NAALADL2: variants seen among roughly 807,000 people sequenced by gnomAD.
NAALADL2 encodes N-acetylated alpha-linked acidic dipeptidase like 2.
In NAALADL2, 76 loss-of-function variants were observed where a neutral mutation model predicts 87.2. That is an observed-to-expected ratio of 0.87 (90% CI 0.72 to 1.05). NAALADL2 has a LOEUF of 1.05. Ranked by LOEUF, NAALADL2 falls within the 50% of genes least tolerant of loss-of-function variation. The probability of loss-of-function intolerance (pLI) is 0.00; values close to 1 mark genes in which losing one functional copy is unlikely to be tolerated. For missense variants in NAALADL2, 1,089 were observed against 945.8 expected (o/e 1.15, Z -1.99); for synonymous variants, 354 against 331.0 (o/e 1.07, Z -0.75).
intron 1 of NAALADL2, among the ~76,000 whole-genome samples, chr3:174,890,953 T>C (rs564549469): frequency 1.6e-4 from 24 of 152,180 alleles, no homozygotes; most frequent in African/African-American, 5.5e-4. Flanking sequence ...AATATATGAA[T>C]AAGAAAATTA....
rs528312077 is a variant in NAALADL2 at position 175,305,245 on chromosome 3, T to C, written c.940-18930T>C. ...CTTACATGGTGTGTGTGTGTGTGTT[T>C]GTGTATGTGTGTGTGTGTGTGTGTG... On this transcript the variant is annotated intron_variant, in intron 4 of 13. Transcript: ENST00000454872. Among the ~76,000 whole-genome samples, 37 of 125,096 alleles carry C rather than the reference T, an allele frequency of 3.0e-4. No individual in the cohort carries two copies. In the South Asian group the frequency reaches 6.3e-3, roughly 21 times the overall value. The allele number at this position is 125,096 out of a possible 152,430, so 82.1% of individuals were successfully genotyped here.
chr3:174,826,743 GT>G (rs1448137181), intron 3 of NAALADL2, among the ~76,000 whole-genome samples: 3 of 152,028 alleles, frequency 2.0e-5, no homozygotes, highest in African/African-American at 7.2e-5. Flanking sequence ...GTTTATTTTT[GT>G]TTAGAAAAGA....
intron 4 of NAALADL2, among the ~76,000 whole-genome samples, chr3:175,312,260 A>G (rs1466127249): frequency 6.6e-6 from 1 of 152,140 alleles, no homozygotes; most frequent in Non-Finnish European, 1.5e-5. Context: ...CAGTATTTTT[A>G]TTTTTCACAT....
intron 2 of NAALADL2, among the ~76,000 whole-genome samples, chr3:174,589,177 A>G (rs940920921): frequency 6.6e-6 from 1 of 152,196 alleles, no homozygotes; most frequent in African/African-American, 2.4e-5. Context: ...CCTCTGAGCC[A>G]GGTGCGGGAT....
intron 4 of NAALADL2, among the ~76,000 whole-genome samples, chr3:175,284,198 T>TTC (rs67678847): frequency 4.6e-5 from 7 of 151,340 alleles, no homozygotes; most frequent in Non-Finnish European, 4.4e-5. Context: ...TTTTTTTTTT[T>TTC]TCTGTCTTGC....
intron 2 of NAALADL2, among the ~76,000 whole-genome samples, chr3:174,619,905 T>C (rs79954668): frequency 0.022 from 3,348 of 152,098 alleles, 136 homozygotes; most frequent in African/African-American, 0.077. Flanking sequence ...CTATGCACTA[T>C]GCTAGGTGAA....
rs147670286 is a variant in NAALADL2 at position 175,614,346 on chromosome 3, C to T, written c.1801-12945C>T. Among the ~76,000 whole-genome samples, 122 of 152,336 alleles carry T rather than the reference C, an allele frequency of 8.0e-4. 1 individual carries two copies. The highest frequency in any genetic ancestry group is 2.7e-3 in the African/African-American group (113 of 41,586). On this transcript the variant is annotated intron_variant, in intron 10 of 13. Transcript: ENST00000454872. ...GATGATAGGCGTGAGCCACCACCCT[C>T]GGCCTGGCGTGCCAGAATCTCTTAA... is the stretch of plus-strand genomic sequence containing the variant.
chr3:174,487,995 AT>A (rs1717961065), intron 1 of NAALADL2, among the ~76,000 whole-genome samples: 2 of 152,026 alleles, frequency 1.3e-5, no homozygotes, highest in African/African-American at 4.8e-5. Context: ...ATGAGTAATG[AT>A]GAACTGAAAT....
At chr3:174,643,523 G>C (rs1319790750) in intron 2 of NAALADL2, among the ~76,000 whole-genome samples, 2 of 151,864 alleles carry the variant, frequency 1.3e-5, no homozygotes, top group African/African-American at 4.8e-5. Context: ...GTGTGGTGGT[G>C]GGCGCCTGTA....
chr3:175,104,397 A>G (rs1722745341), intron 2 of NAALADL2, among the ~76,000 whole-genome samples: 1 of 152,154 alleles, frequency 6.6e-6, no homozygotes, highest in South Asian at 2.1e-4. Context: ...TATATTTTTC[A>G]CTGACATGCT....
At chr3:175,302,182 A>G (rs1442215772) in intron 4 of NAALADL2, among the ~76,000 whole-genome samples, 1 of 152,206 alleles carries the variant, frequency 6.6e-6, no homozygotes. Flanking sequence ...AGTTATTACA[A>G]TCTTCAAAGC....
At chr3:174,472,853 G>C (rs1515609) in intron 1 of NAALADL2, among the ~76,000 whole-genome samples, 1 of 152,138 alleles carries the variant, frequency 6.6e-6, no homozygotes, top group African/African-American at 2.4e-5. Flanking sequence ...GCACTTTGTA[G>C]AAACATGTCA....
intron 4 of NAALADL2, among the ~76,000 whole-genome samples, chr3:175,310,454 G>T (rs7626311): frequency 0.66 from 100,806 of 151,786 alleles, 35,268 homozygotes; most frequent in African/African-American, 0.89. Flanking sequence ...ATCAGAAAAT[G>T]ATGTATGTCA....
intron 1 of NAALADL2, among the ~76,000 whole-genome samples, chr3:174,487,435 T>C (rs888833463): frequency 2.6e-5 from 4 of 152,184 alleles, no homozygotes; most frequent in African/African-American, 9.6e-5. Context: ...TGGGCTTTGG[T>C]CTAATAGAGC....
intron 5 of NAALADL2, among the ~76,000 whole-genome samples, chr3:175,352,779 A>T (rs916132437): frequency 1.3e-5 from 2 of 152,176 alleles, no homozygotes; most frequent in Non-Finnish European, 2.9e-5. Context: ...ATAATGTTTT[A>T]TGTCAAAATT....
At chr3:175,408,553 C>T (rs1712866404) in intron 5 of NAALADL2, among the ~76,000 whole-genome samples, 1 of 151,932 alleles carries the variant, frequency 6.6e-6, no homozygotes, top group Admixed American at 6.6e-5. Flanking sequence ...ATCCAGTTTA[C>T]ACTTGGAGCA....
At chr3:174,766,180 A>C (rs1713780130) in intron 3 of NAALADL2, among the ~76,000 whole-genome samples, 1 of 152,026 alleles carries the variant, frequency 6.6e-6, no homozygotes, top group Admixed American at 6.6e-5. Flanking sequence ...TCATTATTCA[A>C]TGTTTGCATT....
intron 11 of NAALADL2, among the ~76,000 whole-genome samples, chr3:175,690,226 G>A (rs558630829): frequency 1.3e-5 from 2 of 152,038 alleles, no homozygotes; most frequent in Non-Finnish European, 2.9e-5. Context: ...ACTATAAGAG[G>A]TGAAACACAT....
At chr3:174,995,472 G>T (rs1298642757) in intron 1 of NAALADL2, among the ~76,000 whole-genome samples, 2 of 152,082 alleles carry the variant, frequency 1.3e-5, no homozygotes, top group Non-Finnish European at 2.9e-5. Context: ...TATTGAACAA[G>T]CATATCATTC....
Sources: allele counts gnomAD v4.1 joint callset (sites outside exome capture counted in the v4.1 genomes callset), GRCh38; gene constraint gnomAD v4.1.1; transcripts MANE v1.5; gene names NCBI Gene and HGNC (gene_info 2026-07-23, HGNC 2026-07-21).